The following B4GALT6 variants were observed in gnomAD, a reference collection of about 807,000 sequenced individuals.
B4GALT6 encodes the protein beta-1,4-galactosyltransferase 6.
In B4GALT6, 14 loss-of-function variants were observed where a neutral mutation model predicts 46.3. That is an observed-to-expected ratio of 0.30 (90% CI 0.20 to 0.47). The LOEUF (loss-of-function observed/expected upper bound fraction) is 0.47, where lower values mean the gene tolerates loss of function less well. B4GALT6 is among the 20% of genes least tolerant of loss of function. The pLI is 0.99. For synonymous variants in B4GALT6, 168 were observed against 162.0 expected, an observed-to-expected ratio of 1.04 and a Z score of -0.28; for missense variants, 386 against 480.1, an observed-to-expected ratio of 0.80 and a Z score of 1.83.
chr18:31,657,880 C>A, intron 3 of B4GALT6, 96 bp downstream of exon 3: 1 of 850,584 alleles, frequency 1.2e-6, no homozygotes. Flanking sequence ...CACCCAGGTG[C>A]ACATGACCTG....
intron 1 of B4GALT6, among the ~76,000 whole-genome samples, chr18:31,669,555 A>G (rs746161969): frequency 6.6e-6 from 1 of 152,176 alleles, no homozygotes; most frequent in Admixed American, 6.5e-5. Flanking sequence ...ATTTTTTCAT[A>G]ATGAAAGTAT....
chr18:31,681,922 T>G (rs1158283604), intron 1 of B4GALT6, among the ~76,000 whole-genome samples: 1 of 152,234 alleles, frequency 6.6e-6, no homozygotes, highest in Non-Finnish European at 1.5e-5. Flanking sequence ...AAATATGAAT[T>G]ATTTTCTTGA....
At chr18:31,645,216 TA>T in intron 4 of B4GALT6, 138 bp downstream of exon 4, 1 of 1,155,706 alleles carries the variant, frequency 8.7e-7, no homozygotes, top group South Asian at 1.5e-5. Flanking sequence ...TTATAAATAG[TA>T]AACATTAAAG....
the B4GALT6 span, among the ~76,000 whole-genome samples, chr18:31,706,396 C>G: frequency 1.7e-3 from 255 of 152,094 alleles, no homozygotes; most frequent in African/African-American, 5.9e-3. Flanking sequence ...TTTGGGAGGC[C>G]GAGGCAGGCA....
chr18:31,637,358 A>G (rs768392413), intron 5 of B4GALT6, among the ~76,000 whole-genome samples: 5 of 151,384 alleles, frequency 3.3e-5, no homozygotes, highest in Non-Finnish European at 7.4e-5. Context: ...GATCTTGGGC[A>G]TCACATAGTT....
chr18:31,638,120 A>G (rs768031185), intron 5 of B4GALT6, among the ~76,000 whole-genome samples: 6 of 152,212 alleles, frequency 3.9e-5, no homozygotes, highest in Non-Finnish European at 7.3e-5. Flanking sequence ...AAATATAACG[A>G]GGCTGTCATA....
chr18:31,629,394 T>G (rs1393812222), intron 6 of B4GALT6, among the ~76,000 whole-genome samples: 1 of 150,462 alleles, frequency 6.6e-6, no homozygotes, highest in African/African-American at 2.4e-5. Context: ...ACAAATTCAT[T>G]TAGAATTTAA....
chr18:31,711,342 T>G, the B4GALT6 span, among the ~76,000 whole-genome samples: 1 of 152,160 alleles, frequency 6.6e-6, no homozygotes, highest in South Asian at 2.1e-4. Flanking sequence ...GTGGTACAGA[T>G]TATTTTATCA....
intron 1 of B4GALT6, among the ~76,000 whole-genome samples, chr18:31,666,881 T>A (rs2074289259): frequency 6.6e-6 from 1 of 152,208 alleles, no homozygotes. Context: ...TGATCTAGGA[T>A]CAGTATCTGT....
At chr18:31,663,866 T>C (rs1008246140) in intron 2 of B4GALT6, among the ~76,000 whole-genome samples, 2 of 152,248 alleles carry the variant, frequency 1.3e-5, no homozygotes, top group African/African-American at 4.8e-5. Context: ...ATACTAACTA[T>C]AATAATTATT....
chr18:31,626,901 C>A, intron 7 of B4GALT6, 98 bp downstream of exon 7: 2 of 1,052,546 alleles, frequency 1.9e-6, no homozygotes, highest in East Asian at 2.9e-5. Context: ...ATATCCCATC[C>A]CAAAGAATGT....
intron 3 of B4GALT6, 101 bp from the exon 4 acceptor site, chr18:31,645,580 A>G (rs1364463124): frequency 1.7e-6 from 2 of 1,198,052 alleles, no homozygotes; most frequent in Non-Finnish European, 2.3e-6. Flanking sequence ...CTTAGTTGCC[A>G]GGACAATACA....
At chr18:31,686,536 G>A (rs886666952), upstream of B4GALT6, 2 of 152,138 alleles carry the variant, frequency 1.3e-5, no homozygotes, top group African/African-American at 4.8e-5. Context: ...TCACTAGGTG[G>A]GATCACCAAG....
upstream of B4GALT6, among the ~76,000 whole-genome samples, chr18:31,687,356 T>G (rs1320206051): frequency 6.6e-6 from 1 of 152,232 alleles, no homozygotes; most frequent in East Asian, 1.9e-4. Flanking sequence ...ATGATGGTTG[T>G]CTCTTTCTGC....
At chr18:31,633,361 A>G (rs1303843328) in intron 5 of B4GALT6, among the ~76,000 whole-genome samples, 1 of 152,088 alleles carries the variant, frequency 6.6e-6, no homozygotes, top group African/African-American at 2.4e-5. Context: ...AGCGGAGGAG[A>G]GACTTACATT....
Position 31,658,088 on chromosome 18 carries a change from A to C in B4GALT6, c.234T>G (p.Asp78Glu), listed in dbSNP as rs1405418865. Reference protein sequence around the residue: ...TNKNSTLNGTDYPEGNNSSDY... With the variant: ...TNKNSTLNGTEYPEGNNSSDY... ...CACTTGAATTATTGCCTTCGGGATA[A>C]TCTTGGAAAGAGAGAAAAGAGTTAC... The change falls in exon 3 of 9, where the codon GAT becomes GAG. Residue 78 changes from aspartate to glutamate, a missense_variant and splice_region_variant. This residue lies in a region of B4GALT6 where 323 missense variants were observed against 438.9 expected (regional missense o/e 0.74). Coordinates refer to ENST00000306851, the MANE Select transcript of B4GALT6 (RefSeq NM_004775.5). 6.3e-7 allele frequency: 1 copy of C among 1,598,228 alleles called. No homozygotes were observed. The highest frequency in any genetic ancestry group is 1.4e-5 in the African/African-American group (1 of 73,134).
Position 31,666,239 on chromosome 18 carries a change from G to A in B4GALT6, c.232+17C>T. The A allele has an allele frequency of 7.0e-7, 1 of 1,424,928 alleles. No individual in the cohort carries two copies. Among genetic ancestry groups the A allele is most frequent in the Non-Finnish European group, 9.7e-7 (1 of 1,027,850 alleles). 88.3% of individuals were successfully genotyped at this position (1,424,928 alleles called of 1,614,324 possible). On this transcript the variant is annotated intron_variant, in intron 2 of 8. Transcript: ENST00000306851. ...CTGCTTTGTAACTACAAGGGGTTAA[G>A]CAGGAAGTAGTCTTACCTGTACCGT...
the B4GALT6 span, among the ~76,000 whole-genome samples, chr18:31,699,943 G>T: frequency 9.3e-3 from 1,412 of 152,250 alleles, 47 homozygotes; most frequent in East Asian, 0.097. Flanking sequence ...TAATATGTTT[G>T]AAAATAAAGA....
the B4GALT6 span, among the ~76,000 whole-genome samples, chr18:31,716,293 G>A: frequency 4.6e-5 from 7 of 152,190 alleles, no homozygotes; most frequent in Admixed American, 1.3e-4. Flanking sequence ...CATCTCCAGG[G>A]ATCAAGGAGT....
Sources: allele counts gnomAD v4.1 joint callset (sites outside exome capture counted in the v4.1 genomes callset), GRCh38; gene constraint gnomAD v4.1.1; regional missense constraint gnomAD v4.1.1; transcripts MANE v1.5; gene names NCBI Gene and HGNC (gene_info 2026-07-23, HGNC 2026-07-21).